Variants in PTPRK observed in about 807,000 individuals in gnomAD.
The protein encoded by PTPRK is protein tyrosine phosphatase receptor type K.
A neutral mutation model predicts 178.0 loss-of-function variants in PTPRK; 75 were observed. The ratio of observed to expected loss-of-function variants is 0.42; its 90% CI spans 0.35 to 0.51. PTPRK has a LOEUF of 0.51. PTPRK is among the 20% of genes least tolerant of loss of function. The pLI, the probability that PTPRK is intolerant of heterozygous loss-of-function variation, is 0.02. For synonymous variants in PTPRK, 637 were observed against 620.6 expected (o/e 1.03, Z -0.39); for missense variants, 1,441 against 1,797.8 (o/e 0.80, Z 3.59).
rs952062360 is a variant in PTPRK at position 128,115,831 on chromosome 6, T to A, written c.1163-25839A>T. On this transcript the variant is annotated intron_variant, in intron 7 of 29. Coordinates refer to ENST00000368226, the MANE Select transcript of PTPRK (RefSeq NM_002844.4). ...TAATCAGATACAGATGGAAAATAAG[T>A]GAATTTCCTATTAAATACATCCTTC... Among the ~76,000 whole-genome samples the A allele has an allele frequency of 2.6e-5, 4 of 152,082 alleles. No individual in the cohort carries two copies. In the South Asian group the frequency reaches 8.3e-4, roughly 31 times the overall value.
chr6:128,080,303 C>T (rs1461178787), intron 10 of PTPRK, among the ~76,000 whole-genome samples: 1 of 151,930 alleles, frequency 6.6e-6, no homozygotes, highest in Non-Finnish European at 1.5e-5. Flanking sequence ...AAGAAGGACC[C>T]TGAATGCCAA....
chr6:128,497,471 C>T (rs554030871), intron 1 of PTPRK, among the ~76,000 whole-genome samples: 1 of 152,190 alleles, frequency 6.6e-6, no homozygotes, highest in Admixed American at 6.5e-5. Flanking sequence ...TGAACACAAA[C>T]TAGACAGAAA....
Position 128,224,797 on chromosome 6 carries a change from T to A in PTPRK, c.694-5701A>T, listed in dbSNP as rs574037982. On this transcript the variant is annotated intron_variant, in intron 5 of 29. Coordinates refer to ENST00000368226, the MANE Select transcript of PTPRK (RefSeq NM_002844.4). ...GAAAATGGGTTCCCTTTGCTTTTTC[T>A]TACTGTCATGCCAAAACCTGGAAGA... Among the ~76,000 whole-genome samples the A allele has an allele frequency of 2.0e-5, 3 of 152,288 alleles. No individual in the cohort carries two copies. The East Asian group carries it at 5.8e-4, about 29-fold the overall frequency.
chr6:128,299,229 A>G (rs982629914), intron 3 of PTPRK, among the ~76,000 whole-genome samples: 19 of 151,922 alleles, frequency 1.3e-4, no homozygotes, highest in Admixed American at 1.2e-3. Context: ...GAGGATACAA[A>G]CAAATGGAAG....
Position 127,969,471 on chromosome 6 carries a change from A to C in PTPRK, c.*756T>G, listed in dbSNP as rs1437106976. On this transcript the variant is annotated 3_prime_UTR_variant, in exon 30 of 30. Transcript: ENST00000368226. ...AATAAAAAGTTTATCTTCTACTTAC[A>C]CTAAAACATACAAAAAATAATCTAC... 6.6e-6 allele frequency: 1 copy of C among 152,158 alleles called. No homozygotes were observed. The highest frequency in any genetic ancestry group is 1.5e-5 in the Non-Finnish European group (1 of 68,030). 9.4% of individuals were successfully genotyped at this position (152,158 alleles called of 1,614,324 possible). A position where few individuals can be genotyped will look rare whatever the true frequency, so the allele number is the denominator to read the frequency against.
intron 5 of PTPRK, among the ~76,000 whole-genome samples, chr6:128,228,678 AAAC>A (rs561026240): frequency 3.3e-5 from 5 of 151,110 alleles, no homozygotes; most frequent in Non-Finnish European, 4.4e-5. Context: ...AAAAAAGCAA[AAAC>A]AACAACAACA....
intron 1 of PTPRK, among the ~76,000 whole-genome samples, chr6:128,518,091 C>A (rs1858361855): frequency 6.6e-6 from 1 of 152,204 alleles, no homozygotes; most frequent in Admixed American, 6.5e-5. Context: ...GGCAAATCCA[C>A]AATCTGACTT....
At position 128,322,015 on chromosome 6, in the gene PTPRK, C is replaced by T; in HGVS notation, c.495+24G>A. ...TGAGAACTGATGACATCAAAACATA[C>T]ACCAGAAAAGTACAGATGATTACCT... On this transcript the variant is annotated intron_variant, in intron 3 of 29. Coordinates refer to ENST00000368226, the MANE Select transcript of PTPRK (RefSeq NM_002844.4). The T allele has an allele frequency of 1.9e-6, 3 of 1,613,646 alleles. No homozygotes were observed. The East Asian group carries it at 6.7e-5, about 36-fold the overall frequency.
chr6:128,105,121 C>T (rs1377163392), intron 7 of PTPRK, among the ~76,000 whole-genome samples: 1 of 151,324 alleles, frequency 6.6e-6, no homozygotes, highest in Non-Finnish European at 1.5e-5. Context: ...CGTATTACCT[C>T]ACTTATTTCT....
At chr6:128,427,394 C>T (rs909891559) in intron 1 of PTPRK, among the ~76,000 whole-genome samples, 3 of 152,196 alleles carry the variant, frequency 2.0e-5, no homozygotes, top group Non-Finnish European at 4.4e-5. Context: ...TTTAGGTACA[C>T]AGGAACTACT....
intron 2 of PTPRK, among the ~76,000 whole-genome samples, chr6:128,391,902 T>A (rs561370048): frequency 1.3e-5 from 2 of 152,272 alleles, no homozygotes; most frequent in South Asian, 4.1e-4. Flanking sequence ...CTATAACTTT[T>A]ATTGTATGCA....
intron 1 of PTPRK, among the ~76,000 whole-genome samples, chr6:128,429,744 C>T (rs1844582675): frequency 6.6e-6 from 1 of 152,054 alleles, no homozygotes. Context: ...TAGAAGTTTG[C>T]CTTAGTGACT....
At chr6:128,377,021 A>G (rs550882470) in intron 2 of PTPRK, among the ~76,000 whole-genome samples, 1 of 152,164 alleles carries the variant, frequency 6.6e-6, no homozygotes, top group African/African-American at 2.4e-5. Context: ...GGAGTTCCAC[A>G]CTTTCCCATA....
At chr6:128,326,108 G>T (rs556549365) in intron 2 of PTPRK, among the ~76,000 whole-genome samples, 1 of 152,056 alleles carries the variant, frequency 6.6e-6, no homozygotes, top group Non-Finnish European at 1.5e-5. Flanking sequence ...TCATAAGTGG[G>T]AACTGAACAA....
intron 7 of PTPRK, among the ~76,000 whole-genome samples, chr6:128,149,729 T>C (rs1427408503): frequency 2.6e-5 from 4 of 152,202 alleles, no homozygotes; most frequent in Non-Finnish European, 5.9e-5. Flanking sequence ...ATAATGTTTG[T>C]AATATAACTT....
chr6:128,001,259 T>C, intron 15 of PTPRK: 2 of 1,445,242 alleles, frequency 1.4e-6, no homozygotes, highest in Non-Finnish European at 1.9e-6. Context: ...CGAATCAGTA[T>C]GAAAAGTTTC....
At chr6:128,085,257 C>A (rs1367377308) in intron 8 of PTPRK, 1 of 152,256 alleles carries the variant, frequency 6.6e-6, no homozygotes, top group East Asian at 1.9e-4. Context: ...TCTCCCTGCT[C>A]CACAGTACCA....
chr6:128,007,805 T>C (rs1778605249), intron 14 of PTPRK, among the ~76,000 whole-genome samples: 1 of 151,052 alleles, frequency 6.6e-6, no homozygotes, highest in Admixed American at 6.6e-5. Context: ...CTTTACTCTC[T>C]AAATTGTTTA....
At chr6:128,079,468 T>C (rs1425453857) in intron 10 of PTPRK, among the ~76,000 whole-genome samples, 1 of 152,050 alleles carries the variant, frequency 6.6e-6, no homozygotes, top group Non-Finnish European at 1.5e-5. Context: ...TTAGCTTTTG[T>C]TCATCAGGGA....
Sources: allele counts gnomAD v4.1 joint callset (sites outside exome capture counted in the v4.1 genomes callset), GRCh38; gene constraint gnomAD v4.1.1; transcripts MANE v1.5; gene names NCBI Gene and HGNC (gene_info 2026-07-23, HGNC 2026-07-21).